TRMO: variants seen among roughly 807,000 people sequenced by gnomAD.
TRMO encodes tRNA methyltransferase O.
In TRMO, 30 loss-of-function variants were observed where a neutral mutation model predicts 37.2. The ratio of observed to expected loss-of-function variants is 0.81; its 90% confidence interval spans 0.60 to 1.09. The LOEUF (loss-of-function observed/expected upper bound fraction) is 1.09, where lower values mean the gene tolerates loss of function less well. TRMO is among the 50% of genes least tolerant of loss of function. The pLI is 0.00. For missense variants in TRMO, 552 were observed against 549.5 expected (o/e 1.00, Z -0.05); for synonymous variants, 239 against 199.4 (o/e 1.20, Z -1.67).
the TRMO span, among the ~76,000 whole-genome samples, chr9:97,897,604 G>A: frequency 6.6e-6 from 1 of 152,202 alleles, no homozygotes; most frequent in African/African-American, 2.4e-5. Context: ...TAATATTACT[G>A]AGATGCCAAA....
chr9:97,913,628 GAT>G, intron 2 of TRMO, 70 bp from the exon 3 acceptor site: 1 of 1,056,924 alleles, frequency 9.5e-7, no homozygotes, highest in Non-Finnish European at 1.4e-6. Context: ...ACAATGATCT[GAT>G]GGGGAAAAAA....
At chr9:97,915,420 TA>T (rs1427219125) in intron 2 of TRMO, among the ~76,000 whole-genome samples, 2 of 152,160 alleles carry the variant, frequency 1.3e-5, no homozygotes, top group African/African-American at 4.8e-5. Context: ...CCACAAACAA[TA>T]CTTAAACAAA....
rs368882020 is a variant in TRMO at position 97,909,996 on chromosome 9, G to A, written c.1030C>T (p.His344Tyr). 142 of 1,570,538 alleles carry A rather than the reference G, an allele frequency of 9.0e-5. No homozygotes were observed. In the South Asian group the frequency reaches 1.5e-3, roughly 17 times the overall value. ...AGCTGCCCAAGGTCCATCTCGGCAT[G>A]AGGAGTAAACCGCACTTCTAAAGTG... ...VATLEVRFTP[H>Y]AEMDLGQLSS... Residue 344 changes from histidine (H) to tyrosine (Y), a missense_variant, in exon 4 of 5, where the codon CAT becomes TAT. Physicochemically the swap from His to Tyr is moderately conservative, Grantham distance 83. Coordinates refer to ENST00000375119, the MANE Select transcript of TRMO (RefSeq NM_016481.5).
At chr9:97,921,678 C>A (rs1334390815) in intron 1 of TRMO, among the ~76,000 whole-genome samples, 1 of 152,146 alleles carries the variant, frequency 6.6e-6, no homozygotes, top group Admixed American at 6.5e-5. Context: ...CCCACCTCGG[C>A]CTCCCAAAGT....
At chr9:97,904,098 C>T (rs1825756735), downstream of TRMO, among the ~76,000 whole-genome samples, 4 of 151,906 alleles carry the variant, frequency 2.6e-5, no homozygotes, top group South Asian at 4.1e-4. Flanking sequence ...AAAACAAAAA[C>T]AAAAAAACAG....
chr9:97,907,455 C>A (rs1005515910), intron 4 of TRMO, among the ~76,000 whole-genome samples: 9 of 152,168 alleles, frequency 5.9e-5, no homozygotes, highest in Non-Finnish European at 1.0e-4. Context: ...AGCCAAATAC[C>A]CCCCTAGCCT....
intron 1 of TRMO, among the ~76,000 whole-genome samples, chr9:97,920,332 A>G (rs1826568451): frequency 6.6e-6 from 1 of 152,202 alleles, no homozygotes; most frequent in Non-Finnish European, 1.5e-5. Flanking sequence ...CCTCATGGAA[A>G]TGGGGAGAAG....
rs185143771 is a variant in TRMO at position 97,904,740 on chromosome 9, C to T, written c.1319G>A (p.Gly440Glu). The change falls in exon 5 of 5, where the codon GGG becomes GAG. Residue 440 changes from glycine (G) to glutamate (E), a missense_variant. Coordinates refer to ENST00000375119, the MANE Select transcript of TRMO (RefSeq NM_016481.5). ...AGACATGAGGGAGGCTCCTTAAGACCCTAGAGACACCAAGGACCCCACAGG... is the reference window on the plus strand; with the variant it reads ...AGACATGAGGGAGGCTCCTTAAGACTCTAGAGACACCAAGGACCCCACAGG... ...TGPVGSLVSLGS is the reference protein window; with the variant it reads ...TGPVGSLVSLES The T allele has an allele frequency of 1.1e-5, 18 of 1,608,062 alleles. No homozygotes were observed. The Admixed American group carries it at 2.6e-4, about 23-fold the overall frequency.
intron 4 of TRMO, among the ~76,000 whole-genome samples, chr9:97,908,138 C>T (rs537509757): frequency 3.7e-4 from 56 of 152,114 alleles, no homozygotes; most frequent in Non-Finnish European, 6.8e-4. Flanking sequence ...ATAGGTTGGG[C>T]ACGGTGGCTC....
At chr9:97,906,624 T>C (rs1825863564) in intron 4 of TRMO, among the ~76,000 whole-genome samples, 1 of 152,200 alleles carries the variant, frequency 6.6e-6, no homozygotes, top group African/African-American at 2.4e-5. Context: ...TTAATCATTT[T>C]TTTAATCAGT....
intron 1 of TRMO, among the ~76,000 whole-genome samples, chr9:97,916,931 C>T (rs1257996425): frequency 1.4e-5 from 2 of 145,962 alleles, no homozygotes; most frequent in Non-Finnish European, 3.0e-5. Context: ...TCAGGTTGGT[C>T]TTGAACTCCT....
chr9:97,915,071 A>G (rs1230862874), intron 2 of TRMO, among the ~76,000 whole-genome samples: 1 of 152,260 alleles, frequency 6.6e-6, no homozygotes, highest in Non-Finnish European at 1.5e-5. Context: ...GACATGAAAA[A>G]TAAACTATTT....
chr9:97,901,757 T>TAAAA (rs11375112), downstream of TRMO, among the ~76,000 whole-genome samples: 3 of 144,582 alleles, frequency 2.1e-5, no homozygotes, highest in African/African-American at 2.5e-5. Context: ...TCTCAAAGGC[T>TAAAA]AAAAAAAAAA....
intron 1 of TRMO, among the ~76,000 whole-genome samples, chr9:97,921,833 A>G (rs1344663049): frequency 3.3e-5 from 5 of 152,172 alleles, no homozygotes; most frequent in Non-Finnish European, 5.9e-5. Context: ...GTATGCAAAG[A>G]AACAAGCGTG....
the TRMO span, among the ~76,000 whole-genome samples, chr9:97,897,486 C>G: frequency 6.6e-6 from 1 of 152,132 alleles, no homozygotes; most frequent in East Asian, 1.9e-4. Flanking sequence ...TCAGGTAGTG[C>G]CAAAACAGGC....
At position 97,921,588 on chromosome 9, in the gene TRMO, G is replaced by T. The variant is rs191193783; in HGVS notation, c.76+830C>A. 2.0e-5 allele frequency among the ~76,000 whole-genome samples: 3 copies of T among 151,896 alleles called. No homozygotes were observed. In the South Asian group the frequency reaches 6.2e-4, roughly 32 times the overall value. On this transcript the variant is annotated intron_variant, in intron 1 of 4. Transcript: ENST00000375119. ...CAGGAGCCCACCACCACGCCCGGCTGATTTTTTTGTATTTTTTAGTAGAGA... is the reference window on the plus strand; with the variant it reads ...CAGGAGCCCACCACCACGCCCGGCTTATTTTTTTGTATTTTTTAGTAGAGA...
chr9:97,913,902 G>A lies in TRMO; in HGVS notation c.252-344C>T, dbSNP rs946813488. On this transcript the variant is annotated intron_variant, in intron 2 of 4. Transcript: ENST00000375119. Reference sequence around the variant, plus strand: ...ATTTTTACACTCATTTCATACAATCGCCTTAACTGTCTTAAGTAATATAAT... The same window carrying A: ...ATTTTTACACTCATTTCATACAATCACCTTAACTGTCTTAAGTAATATAAT... The A allele has an allele frequency of 4.7e-5, 9 of 192,886 alleles. No homozygotes were observed. The East Asian group carries it at 6.8e-4, about 15-fold the overall frequency. 11.9% of individuals were successfully genotyped at this position (192,886 alleles called of 1,614,324 possible). A position where few individuals can be genotyped will look rare whatever the true frequency, so the allele number is the denominator to read the frequency against.
downstream of TRMO, among the ~76,000 whole-genome samples, chr9:97,904,293 T>C (rs1587826898): frequency 6.6e-6 from 1 of 152,174 alleles, no homozygotes; most frequent in Non-Finnish European, 1.5e-5. Flanking sequence ...CTCTACTTGT[T>C]TTTTATTTGT....
chr9:97,913,182 G>A, intron 3 of TRMO: 1 of 484,116 alleles, frequency 2.1e-6, no homozygotes. Flanking sequence ...TTGGATATAT[G>A]CAATAATATA....
Sources: gnomAD v4.1 joint callset for allele counts (sites outside exome capture counted in the v4.1 genomes callset) on GRCh38, gnomAD v4.1.1 for gene constraint, MANE v1.5 for transcripts, NCBI Gene and HGNC (gene_info 2026-07-23, HGNC 2026-07-21) for gene names.